Variants in NCAM2 observed in about 807,000 individuals in gnomAD.
The protein encoded by NCAM2 is N-CAM-2.
In NCAM2, 30 loss-of-function variants were observed where a neutral mutation model predicts 98.1. The observed-to-expected ratio is 0.31, with a 90% CI of 0.23 to 0.41. NCAM2 has a LOEUF of 0.41. Ranked by LOEUF, NCAM2 falls within the 10% of genes least tolerant of loss-of-function variation. The probability of loss-of-function intolerance (pLI) is 1.00; values close to 1 mark genes in which losing one functional copy is unlikely to be tolerated. For synonymous variants in NCAM2, 368 were observed against 342.4 expected, an observed-to-expected ratio of 1.07 and a Z score of -0.83; for missense variants, 867 against 1,005.8, an observed-to-expected ratio of 0.86 and a Z score of 1.87.
intron 12 of NCAM2, among the ~76,000 whole-genome samples, chr21:21,450,286 A>G (rs1980829537): frequency 6.6e-6 from 1 of 151,714 alleles, no homozygotes; most frequent in South Asian, 2.1e-4. Flanking sequence ...ATTTTAATAT[A>G]TGCGTGTGTG....
At chr21:21,120,055 C>T (rs1304742186) in intron 1 of NCAM2, among the ~76,000 whole-genome samples, 1 of 152,182 alleles carries the variant, frequency 6.6e-6, no homozygotes, top group Non-Finnish European at 1.5e-5. Context: ...AAAGCTCCAC[C>T]ATTGTTTGAT....
intron 16 of NCAM2, among the ~76,000 whole-genome samples, chr21:21,510,266 G>A (rs543618976): frequency 1.3e-4 from 20 of 152,200 alleles, no homozygotes; most frequent in Middle Eastern, 3.4e-3. Context: ...TTTTATATGT[G>A]TAACACAAAG....
intron 16 of NCAM2, among the ~76,000 whole-genome samples, chr21:21,511,765 T>C (rs1285224355): frequency 1.3e-5 from 2 of 152,034 alleles, no homozygotes; most frequent in Non-Finnish European, 2.9e-5. Flanking sequence ...GATTCATCTT[T>C]GCCTGTCTTT....
At chr21:21,428,150 G>A (rs2077255841) in intron 11 of NCAM2, among the ~76,000 whole-genome samples, 1 of 152,128 alleles carries the variant, frequency 6.6e-6, no homozygotes, top group Non-Finnish European at 1.5e-5. Flanking sequence ...AAACAAATAA[G>A]TATTTGCACA....
chr21:21,525,578 A>G (rs1989276708), intron 16 of NCAM2, among the ~76,000 whole-genome samples: 1 of 152,170 alleles, frequency 6.6e-6, no homozygotes, highest in South Asian at 2.1e-4. Flanking sequence ...GGTGAATTCT[A>G]CCAAACATTT....
At chr21:21,481,367 G>A (rs373811406) in intron 15 of NCAM2, among the ~76,000 whole-genome samples, 1 of 152,144 alleles carries the variant, frequency 6.6e-6, no homozygotes, top group East Asian at 1.9e-4. Context: ...AGTTAACAAA[G>A]GGTCATATTT....
At chr21:21,329,144 G>A (rs969712358) in intron 6 of NCAM2, among the ~76,000 whole-genome samples, 7 of 151,728 alleles carry the variant, frequency 4.6e-5, no homozygotes, top group African/African-American at 9.7e-5. Context: ...TAGTAGAGAC[G>A]GGTTTCACCA....
intron 1 of NCAM2, among the ~76,000 whole-genome samples, chr21:21,019,223 C>T (rs895618461): frequency 1.3e-5 from 2 of 152,184 alleles, no homozygotes; most frequent in African/African-American, 4.8e-5. Context: ...TGAAGCCTCG[C>T]TCTGTATACT....
intron 1 of NCAM2, among the ~76,000 whole-genome samples, chr21:21,266,208 T>C (rs571089644): frequency 4.5e-4 from 69 of 152,084 alleles, no homozygotes; most frequent in Non-Finnish European, 9.4e-4. Flanking sequence ...GGGAGTAGAG[T>C]TGCATCTTTT....
chr21:21,159,758 CCTCT>C (rs746362448), intron 1 of NCAM2, among the ~76,000 whole-genome samples: 1 of 151,708 alleles, frequency 6.6e-6, no homozygotes. Flanking sequence ...TCTCTCTCTC[CCTCT>C]CTCTCTGTAT....
At chr21:21,365,925 C>T (rs1225706587) in intron 8 of NCAM2, among the ~76,000 whole-genome samples, 3 of 151,652 alleles carry the variant, frequency 2.0e-5, no homozygotes, top group South Asian at 2.1e-4. Flanking sequence ...ATTGCTGTCT[C>T]GATTGATATA....
intron 1 of NCAM2, among the ~76,000 whole-genome samples, chr21:21,001,314 G>A (rs1443460167): frequency 6.6e-6 from 1 of 152,106 alleles, no homozygotes; most frequent in African/African-American, 2.4e-5. Flanking sequence ...TATTGTAGCA[G>A]AAATACTCCT....
At chr21:21,417,099 A>G (rs1373091995) in intron 10 of NCAM2, among the ~76,000 whole-genome samples, 1 of 152,052 alleles carries the variant, frequency 6.6e-6, no homozygotes, top group East Asian at 1.9e-4. Context: ...AATCTTAAGG[A>G]GCTGTGTAAT....
rs189789204 is a variant in NCAM2 at position 21,108,021 on chromosome 21, G to A, written c.55+109403G>A. ...GGATTAGAGTACCAAAATTTCACAC[G>A]ATAAGCAGGTATATATTTCCTCTAA... On this transcript the variant is annotated intron_variant, in intron 1 of 17. Transcript: ENST00000400546. Among the ~76,000 whole-genome samples, 8 of 151,996 alleles carry A rather than the reference G, an allele frequency of 5.3e-5. No individual in the cohort carries two copies. In the East Asian group the frequency reaches 1.5e-3, roughly 29 times the overall value.
At position 21,059,395 on chromosome 21, in the gene NCAM2, C is replaced by T. The variant is rs2065276532; in HGVS notation, c.55+60777C>T. On this transcript the variant is annotated intron_variant, in intron 1 of 17. Coordinates refer to ENST00000400546, the MANE Select transcript of NCAM2 (RefSeq NM_004540.5). Reference sequence around the variant, plus strand: ...GAGCATTTCAGAACTTCAGATAATGCAACTTTGGTTAGCTTAATTTAAATA... The same window carrying T: ...GAGCATTTCAGAACTTCAGATAATGTAACTTTGGTTAGCTTAATTTAAATA... 2.0e-5 allele frequency among the ~76,000 whole-genome samples: 3 copies of T among 152,028 alleles called. No individual in the cohort carries two copies. The South Asian group carries it at 6.2e-4, about 32-fold the overall frequency.
chr21:21,062,050 G>A (rs372890153), intron 1 of NCAM2, among the ~76,000 whole-genome samples: 14 of 152,204 alleles, frequency 9.2e-5, no homozygotes, highest in African/African-American at 3.1e-4. Context: ...AAATGATAAA[G>A]GGAGGTATCA....
intron 17 of NCAM2, among the ~76,000 whole-genome samples, chr21:21,537,629 A>G (rs2826888): frequency 6.6e-6 from 1 of 152,020 alleles, no homozygotes; most frequent in Non-Finnish European, 1.5e-5. Flanking sequence ...TCTCTTTTAG[A>G]TCTTTTTAAA....
At chr21:21,171,434 T>C (rs1037671328) in intron 1 of NCAM2, among the ~76,000 whole-genome samples, 1 of 152,200 alleles carries the variant, frequency 6.6e-6, no homozygotes, top group African/African-American at 2.4e-5. Flanking sequence ...TGGTCTGATA[T>C]TGAGAAAACT....
rs139123045 is a variant in NCAM2, at chr21:21,444,780, C to A, written c.1654+12499C>A. 2.0e-5 allele frequency among the ~76,000 whole-genome samples: 3 copies of A among 152,078 alleles called. No individual in the cohort carries two copies. In the South Asian group the frequency reaches 6.2e-4, roughly 31 times the overall value. The stretch of plus-strand genomic sequence containing the variant: ...TCTATTTTGTTAATTTTTCAAAAAA[C>A]CAGCTCCTGGATTCATTGATTTTTT... On this transcript the variant is annotated intron_variant, in intron 12 of 17. Coordinates refer to ENST00000400546, the MANE Select transcript of NCAM2 (RefSeq NM_004540.5).
Sources: gnomAD v4.1 joint callset for allele counts (sites outside exome capture counted in the v4.1 genomes callset) on GRCh38, gnomAD v4.1.1 for gene constraint, MANE v1.5 for transcripts, NCBI Gene and HGNC (gene_info 2026-07-23, HGNC 2026-07-21) for gene names.